The following TRPC4 variants were observed in gnomAD, a reference collection of about 807,000 sequenced individuals.
TRPC4 encodes the protein transient receptor potential cation channel subfamily C member 4.
Under a neutral mutation model 99.4 loss-of-function variants are expected in TRPC4, and 49 were observed. The observed-to-expected ratio is 0.49, with a 90% CI of 0.39 to 0.63. The LOEUF is 0.63. Among genes scored for constraint, TRPC4 ranks in the 20% least tolerant of loss-of-function variants. TRPC4 has a pLI of 0.00. For missense variants in TRPC4, 898 were observed against 1,152.9 expected, an observed-to-expected ratio of 0.78 and a Z score of 3.20; for synonymous variants, 454 against 425.9, an observed-to-expected ratio of 1.07 and a Z score of -0.81.
chr13:37,725,184 T>C (rs913686560), intron 3 of TRPC4, among the ~76,000 whole-genome samples: 1 of 152,016 alleles, frequency 6.6e-6, no homozygotes, highest in Non-Finnish European at 1.5e-5. Flanking sequence ...ATTGAAATTG[T>C]CTAGTTTGAG....
chr13:37,739,411 G>A (rs1955509997), intron 3 of TRPC4, among the ~76,000 whole-genome samples: 1 of 151,856 alleles, frequency 6.6e-6, no homozygotes, highest in Admixed American at 6.6e-5. Context: ...TAAGGACTAT[G>A]GTGTTTTCTC....
intron 2 of TRPC4, among the ~76,000 whole-genome samples, chr13:37,761,836 A>C (rs1159820404): frequency 6.6e-6 from 1 of 151,826 alleles, no homozygotes; most frequent in Non-Finnish European, 1.5e-5. Flanking sequence ...GTAGAACAAT[A>C]ATTTCCTGGC....
In TRPC4 at chr13:37,634,565, TG is replaced by T. The variant is rs1302723826; in HGVS notation, c.*2337del. On this transcript the variant is annotated 3_prime_UTR_variant, in exon 11 of 11. Coordinates refer to ENST00000379705, the MANE Select transcript of TRPC4 (RefSeq NM_016179.4). ...TTAACCCCTGATATAAATAAGCTAC[TG>T]GGGGAAAAAAGGTTTTGTTGCTTGT... Among the ~76,000 whole-genome samples, 1 of 151,984 alleles carries T rather than the reference TG, an allele frequency of 6.6e-6. No individual in the cohort carries two copies. Among genetic ancestry groups the T allele is most frequent in the Non-Finnish European group, 1.5e-5 (1 of 67,978 alleles).
intron 3 of TRPC4, among the ~76,000 whole-genome samples, chr13:37,733,689 T>C (rs1955309223): frequency 6.6e-6 from 1 of 152,140 alleles, no homozygotes; most frequent in Admixed American, 6.6e-5. Context: ...TTGTGTTTTT[T>C]CCTAATTTCA....
rs1432903460 is a variant in TRPC4 at position 37,636,645 on chromosome 13, C to A, written c.*258G>T. The A allele has an allele frequency of 6.5e-6, 2 of 309,606 alleles. No homozygotes were observed. The highest frequency in any genetic ancestry group is 1.2e-5 in the Non-Finnish European group (2 of 171,448). 19.2% of individuals were successfully genotyped at this position (309,606 alleles called of 1,614,324 possible). ...AAAATGTTTCTGTGGGTTATTGCAA[C>A]AGTACAAGAATACAAGGTGCATTTA... On this transcript the variant is annotated 3_prime_UTR_variant, in exon 11 of 11. Coordinates refer to ENST00000379705, the MANE Select transcript of TRPC4 (RefSeq NM_016179.4).
intron 8 of TRPC4, among the ~76,000 whole-genome samples, chr13:37,642,622 T>C (rs970050711): frequency 1.3e-5 from 2 of 152,230 alleles, no homozygotes; most frequent in South Asian, 2.1e-4. Flanking sequence ...CTACCTCAGA[T>C]CTCAGTTTTT....
chr13:37,711,377 A>G (rs1232644788), intron 3 of TRPC4, among the ~76,000 whole-genome samples: 1 of 152,018 alleles, frequency 6.6e-6, no homozygotes, highest in East Asian at 1.9e-4. Context: ...ATTGTTAAGT[A>G]TGATACAAAT....
chr13:37,783,386 A>C, intron 1 of TRPC4, 26 bp from the exon 2 acceptor site: 1 of 1,491,600 alleles, frequency 6.7e-7, no homozygotes, highest in Non-Finnish European at 8.9e-7. Flanking sequence ...AAAAACACAA[A>C]GATTAGTGTT....
chr13:37,648,529 T>C, intron 8 of TRPC4, among the ~76,000 whole-genome samples: 1 of 152,030 alleles, frequency 6.6e-6, no homozygotes, highest in Non-Finnish European at 1.5e-5. Flanking sequence ...TGTTGAATGT[T>C]AGTAAAATAT....
At chr13:37,755,375 C>T (rs1400499211) in intron 2 of TRPC4, among the ~76,000 whole-genome samples, 1 of 152,022 alleles carries the variant, frequency 6.6e-6, no homozygotes, top group Non-Finnish European at 1.5e-5. Context: ...TCTCCCTCAG[C>T]CTCCCAAATA....
chr13:37,862,829 T>C (rs1398060861), intron 1 of TRPC4, among the ~76,000 whole-genome samples: 19 of 151,620 alleles, frequency 1.3e-4, no homozygotes, highest in Non-Finnish European at 3.0e-5. Flanking sequence ...TGCTCGTGTG[T>C]GTGTGTATGT....
intron 2 of TRPC4, among the ~76,000 whole-genome samples, chr13:37,774,756 T>G (rs1462806174): frequency 1.3e-5 from 2 of 151,726 alleles, no homozygotes; most frequent in Non-Finnish European, 2.9e-5. Context: ...GCTTGTGTTT[T>G]GATAACAAAA....
intron 1 of TRPC4, among the ~76,000 whole-genome samples, chr13:37,786,805 T>C (rs749726537): frequency 5.9e-5 from 9 of 152,006 alleles, no homozygotes; most frequent in Non-Finnish European, 1.2e-4. Flanking sequence ...ATTGGTCAAA[T>C]TATATTTAGA....
chr13:37,657,082 T>C (rs1204182901), intron 6 of TRPC4, among the ~76,000 whole-genome samples: 3 of 152,232 alleles, frequency 2.0e-5, no homozygotes, highest in Admixed American at 6.5e-5. Context: ...TGGAAATTGC[T>C]TTTTTAAAAA....
At chr13:37,776,917 A>T (rs1379752253) in intron 2 of TRPC4, among the ~76,000 whole-genome samples, 9 of 151,922 alleles carry the variant, frequency 5.9e-5, no homozygotes, top group Non-Finnish European at 1.2e-4. Context: ...ATCGACTAAG[A>T]ATCTTCTATA....
At position 37,685,760 on chromosome 13, in the gene TRPC4, C is replaced by A. The variant is rs9576339; in HGVS notation, c.1234+6239G>T. Among the ~76,000 whole-genome samples the A allele has an allele frequency of 3.1e-4, 47 of 152,144 alleles. No individual in the cohort carries two copies. The East Asian group carries it at 8.9e-3, about 29-fold the overall frequency. The stretch of plus-strand genomic sequence containing the variant: ...TTTTGTGTATCAAATTTATATTGCA[C>A]TGTCATGGCCTAAAAAGAGTTCATT... On this transcript the variant is annotated intron_variant, in intron 4 of 10. Coordinates refer to ENST00000379705, the MANE Select transcript of TRPC4 (RefSeq NM_016179.4).
At chr13:37,796,968 A>ATAAAATAAAATAAAAT (rs1555273561) in intron 1 of TRPC4, among the ~76,000 whole-genome samples, 1 of 115,114 alleles carries the variant, frequency 8.7e-6, no homozygotes, top group African/African-American at 3.8e-5. Flanking sequence ...ATAAAATAAA[A>ATAAAATAAAATAAAAT]TAAAGTAAAG....
At chr13:37,802,101 TTTTC>T (rs1445013299) in intron 1 of TRPC4, among the ~76,000 whole-genome samples, 2 of 152,140 alleles carry the variant, frequency 1.3e-5, no homozygotes, top group African/African-American at 4.8e-5. Context: ...ACTTTCACTG[TTTTC>T]TTTAACTTTT....
At position 37,812,176 on chromosome 13, in the gene TRPC4, C is replaced by CAAAAAAAAAAAA. The variant is rs61607544; in HGVS notation, c.-27-28828_-27-28817dup. ...CCTAGGCAACAGACTGAGACTCTAT[C>CAAAAAAAAAAAA]AAAAAAAAAAAAAAAAAAACCAGGA... is the stretch of plus-strand genomic sequence containing the variant. On this transcript the variant is annotated intron_variant, in intron 1 of 10. Transcript: ENST00000379705. Among the ~76,000 whole-genome samples, 215 of 55,120 alleles carry CAAAAAAAAAAAA rather than the reference C, an allele frequency of 3.9e-3. 28 individuals carry two copies. The highest frequency in any genetic ancestry group is 0.012 in the African/African-American group (158 of 12,668). 36.2% of individuals were successfully genotyped at this position (55,120 alleles called of 152,430 possible).
Sources: allele counts gnomAD v4.1 joint callset (sites outside exome capture counted in the v4.1 genomes callset), GRCh38; gene constraint gnomAD v4.1.1; transcripts MANE v1.5; gene names NCBI Gene and HGNC (gene_info 2026-07-23, HGNC 2026-07-21).